Variants in ATF7IP observed in about 807,000 individuals in gnomAD.
The protein encoded by ATF7IP is activating transcription factor 7 interacting protein.
In ATF7IP, 23 loss-of-function variants were observed where a neutral mutation model predicts 106.4. The ratio of observed to expected loss-of-function variants is 0.22; its 90% CI spans 0.16 to 0.31. ATF7IP has a LOEUF of 0.31. Among genes scored for constraint, ATF7IP ranks in the 10% least tolerant of loss-of-function variants. The pLI, the probability that ATF7IP is intolerant of heterozygous loss-of-function variation, is 1.00. For synonymous variants in ATF7IP, 542 were observed against 539.0 expected (o/e 1.01, Z -0.08); for missense variants, 1,334 against 1,524.3 (o/e 0.88, Z 2.08).
rs1251556138 is a variant in ATF7IP, at chr12:14,424,874, A to G, written c.959A>G (p.Asn320Ser). Residue 320 changes from asparagine to serine, a missense_variant, in exon 2 of 15, where the codon AAT becomes AGT. Asn to Ser is a conservative substitution (Grantham distance 46). This residue lies in a region of ATF7IP where 438 missense variants were observed against 405.3 expected (regional missense o/e 1.08). Transcript: ENST00000261168. ...SNKDDDFLEK[N>S]GADEKLEQIQ... is the part of the protein sequence containing the mutation. ...AAAGATGATGATTTTCTTGAAAAAAATGGAGCTGATGAAAAATTAGAGCAA... is the reference window on the plus strand; with the variant it reads ...AAAGATGATGATTTTCTTGAAAAAAGTGGAGCTGATGAAAAATTAGAGCAA... The G allele has an allele frequency of 6.2e-7, 1 of 1,610,738 alleles. No individual in the cohort carries two copies. The highest frequency in any genetic ancestry group is 1.7e-5 in the Admixed American group (1 of 59,120).
In ATF7IP at chr12:14,425,042, T is replaced by A; in HGVS notation, c.1127T>A (p.Ile376Asn). The change falls in exon 2 of 15, where the codon ATC (isoleucine) becomes AAC (asparagine). Residue 376 changes from isoleucine to asparagine, a missense_variant. Transcript: ENST00000261168. ...ENEKKVEEDI[I>N]TELALGEDAI... is the part of the protein sequence containing the mutation. ...GAAAAGAAGGTAGAGGAAGATATTA[T>A]CACAGAGCTTGCTCTTGGAGAAGAT... The A allele has an allele frequency of 6.2e-7, 1 of 1,609,022 alleles. No homozygotes were observed.
At chr12:14,386,637 T>C (rs959194249) in intron 1 of ATF7IP, among the ~76,000 whole-genome samples, 1 of 152,168 alleles carries the variant, frequency 6.6e-6, no homozygotes, top group African/African-American at 2.4e-5. Context: ...TGATATTTTA[T>C]TGTTATGTAC....
intron 11 of ATF7IP, among the ~76,000 whole-genome samples, chr12:14,476,762 T>C (rs1944277624): frequency 6.6e-6 from 1 of 152,198 alleles, no homozygotes; most frequent in Non-Finnish European, 1.5e-5. Flanking sequence ...TAATTTCTTT[T>C]ATCTAGCATT....
At chr12:14,373,233 G>A (rs762700048) in intron 1 of ATF7IP, among the ~76,000 whole-genome samples, 1 of 152,194 alleles carries the variant, frequency 6.6e-6, no homozygotes, top group African/African-American at 2.4e-5. Context: ...AATGTCAGAA[G>A]TGAATTCCAT....
At chr12:14,375,098 T>A (rs1446358576) in intron 1 of ATF7IP, among the ~76,000 whole-genome samples, 2 of 151,964 alleles carry the variant, frequency 1.3e-5, no homozygotes, top group Admixed American at 1.3e-4. Flanking sequence ...CAATAAATAC[T>A]TGCTTATTGA....
intron 1 of ATF7IP, among the ~76,000 whole-genome samples, chr12:14,391,866 C>T (rs538820332): frequency 6.6e-6 from 1 of 152,212 alleles, no homozygotes; most frequent in East Asian, 1.9e-4. Flanking sequence ...GGATTATAGG[C>T]GTGCGCCACC....
intron 1 of ATF7IP, among the ~76,000 whole-genome samples, chr12:14,377,215 G>A (rs1019398530): frequency 2.6e-5 from 4 of 151,832 alleles, no homozygotes; most frequent in Non-Finnish European, 5.9e-5. Context: ...GGCTAGTCTC[G>A]AACTCCTGAG....
chr12:14,466,302 G>A (rs954123826), intron 9 of ATF7IP: 2 of 422,820 alleles, frequency 4.7e-6, no homozygotes, highest in Non-Finnish European at 8.4e-6. Context: ...AAATTGCTGG[G>A]CCAGTGGAAA....
At chr12:14,483,292 A>G (rs552196075) in intron 13 of ATF7IP, among the ~76,000 whole-genome samples, 27 of 152,310 alleles carry the variant, frequency 1.8e-4, no homozygotes, top group African/African-American at 6.0e-4. Flanking sequence ...GCATGGTAAT[A>G]CTAAGAGACA....
intron 6 of ATF7IP, among the ~76,000 whole-genome samples, chr12:14,453,465 T>A (rs1943285602): frequency 6.6e-6 from 1 of 152,196 alleles, no homozygotes; most frequent in Non-Finnish European, 1.5e-5. Flanking sequence ...CTGCTCTTGA[T>A]TCTCTACAGT....
intron 9 of ATF7IP, among the ~76,000 whole-genome samples, chr12:14,463,918 C>T (rs1943732577): frequency 6.6e-6 from 1 of 152,102 alleles, no homozygotes. Context: ...ATTTACTAAA[C>T]TAGATATTAA....
At chr12:14,431,141 T>G (rs1297845609) in intron 2 of ATF7IP, among the ~76,000 whole-genome samples, 1 of 152,228 alleles carries the variant, frequency 6.6e-6, no homozygotes, top group Non-Finnish European at 1.5e-5. Flanking sequence ...GGAACCTTAT[T>G]AAAGATAGTA....
intron 8 of ATF7IP, among the ~76,000 whole-genome samples, chr12:14,457,763 CAG>C (rs1024100512): frequency 2.6e-5 from 4 of 152,072 alleles, no homozygotes; most frequent in African/African-American, 9.7e-5. Flanking sequence ...AGAAATTAAA[CAG>C]AAATTTAAAA....
intron 5 of ATF7IP, among the ~76,000 whole-genome samples, chr12:14,446,667 TAAAA>T (rs1030201173): frequency 5.3e-5 from 8 of 152,126 alleles, no homozygotes; most frequent in African/African-American, 1.9e-4. Flanking sequence ...ACAACTGTGT[TAAAA>T]AAATAACAAA....
In ATF7IP at chr12:14,441,108, T is replaced by C. The variant is rs183961275; in HGVS notation, c.1929+2841T>C. 1.2e-3 allele frequency among the ~76,000 whole-genome samples: 185 copies of C among 152,330 alleles called. 2 individuals carry two copies. The highest frequency in any genetic ancestry group is 4.3e-3 in the African/African-American group (177 of 41,588). On this transcript the variant is annotated intron_variant, in intron 5 of 14. Coordinates refer to ENST00000261168, the MANE Select transcript of ATF7IP (RefSeq NM_018179.5). ...AGGAATATACCTAGGTGTGGAATTG[T>C]GGGCCATATGGTAATTCTTTGTTTA...
intron 1 of ATF7IP, among the ~76,000 whole-genome samples, chr12:14,374,272 ATTTTTTTTT>A (rs563859251): frequency 5.7e-5 from 6 of 105,446 alleles, no homozygotes; most frequent in Admixed American, 1.2e-4. Context: ...TAATTTTGTA[ATTTTTTTTT>A]TTTTTTTTTT....
chr12:14,483,594 G>A (rs954932905), intron 13 of ATF7IP, among the ~76,000 whole-genome samples: 1 of 152,064 alleles, frequency 6.6e-6, no homozygotes, highest in Non-Finnish European at 1.5e-5. Context: ...TTTGCTAGTG[G>A]ATCCCTAGGG....
intron 8 of ATF7IP, among the ~76,000 whole-genome samples, chr12:14,459,196 T>A (rs1193314824): frequency 1.3e-5 from 2 of 152,222 alleles, no homozygotes; most frequent in Non-Finnish European, 2.9e-5. Context: ...ACGTGAATTA[T>A]CAGTGTGTCT....
At chr12:14,379,266 T>C (rs1428176735) in intron 1 of ATF7IP, among the ~76,000 whole-genome samples, 2 of 152,162 alleles carry the variant, frequency 1.3e-5, no homozygotes, top group Non-Finnish European at 2.9e-5. Context: ...TGCCATGTGA[T>C]GTGCATGCTC....
Sources: gnomAD v4.1 joint callset for allele counts (sites outside exome capture counted in the v4.1 genomes callset) on GRCh38, gnomAD v4.1.1 for gene constraint, gnomAD v4.1.1 regional missense constraint, MANE v1.5 for transcripts, NCBI Gene and HGNC (gene_info 2026-07-23, HGNC 2026-07-21) for gene names.